ATG4A: variants seen among roughly 807,000 people sequenced by gnomAD.
ATG4A encodes the protein cysteine protease ATG4A.
ATG4A carries 22 observed loss-of-function variants against 38.4 expected under a neutral mutation model. The observed-to-expected ratio is 0.57, with a 90% CI of 0.41 to 0.82. The LOEUF (loss-of-function observed/expected upper bound fraction) is 0.82, where lower values mean the gene tolerates loss of function less well. ATG4A is among the 40% of genes least tolerant of loss of function. ATG4A has a pLI of 0.00. For missense variants in ATG4A, 220 were observed against 290.0 expected (o/e 0.76, Z 1.75); for synonymous variants, 86 against 100.7 (o/e 0.85, Z 0.88).
At chrX:108,129,157 T>C (rs2032881491) in intron 3 of ATG4A, among the ~76,000 whole-genome samples, 1 of 112,744 alleles carries the variant, frequency 8.9e-6, no homozygotes, top group Non-Finnish European at 1.9e-5. Context: ...AATCTTTTAA[T>C]TTGTATAATA....
At chrX:108,140,639 G>A (rs950198493) in intron 9 of ATG4A, among the ~76,000 whole-genome samples, 1 of 97,636 alleles carries the variant, frequency 1.0e-5, no homozygotes, top group Non-Finnish European at 2.0e-5. Context: ...TTACATATAC[G>A]TACATATACA....
intron 1 of ATG4A, among the ~76,000 whole-genome samples, chrX:108,105,290 G>A (rs192952373): frequency 1.2e-4 from 13 of 111,688 alleles, no homozygotes; most frequent in African/African-American, 4.2e-4. Context: ...GGGGGCCTTT[G>A]AAACCTTTTT....
chrX:108,138,109 C>G lies in ATG4A; in HGVS notation c.736-4C>G. On this transcript the variant is annotated splice_region_variant and splice_polypyrimidine_tract_variant and intron_variant, in intron 8 of 12. Transcript: ENST00000372232. ...TGAGAATCTTGCATTGTCTTTCTCT[C>G]CAGGAGTGTTTTAAGATGCCACAGT... 8.3e-7 allele frequency: 1 copy of G among 1,208,938 alleles called. No homozygotes were observed. Among genetic ancestry groups the G allele is most frequent in the Non-Finnish European group, 1.1e-6 (1 of 892,894 alleles).
chrX:108,118,075 T>G (rs1488939541), intron 1 of ATG4A, among the ~76,000 whole-genome samples: 1 of 112,687 alleles, frequency 8.9e-6, no homozygotes, highest in Non-Finnish European at 1.9e-5. Flanking sequence ...TGAATTATAT[T>G]GTTAATATTT....
intron 9 of ATG4A, among the ~76,000 whole-genome samples, chrX:108,138,987 A>G (rs2033172404): frequency 9.0e-6 from 1 of 111,673 alleles, no homozygotes; most frequent in South Asian, 3.8e-4. Flanking sequence ...TTAGAGAGTG[A>G]TGTGGCCAGG....
chrX:108,148,316 A>G (rs1490032610), intron 9 of ATG4A, among the ~76,000 whole-genome samples: 1 of 106,845 alleles, frequency 9.4e-6, no homozygotes, highest in Non-Finnish European at 1.9e-5. Context: ...ACCCAGATTA[A>G]GGACCGGTCT....
intron 11 of ATG4A, among the ~76,000 whole-genome samples, chrX:108,152,302 T>C (rs1569315803): frequency 9.0e-6 from 1 of 111,375 alleles, no homozygotes; most frequent in East Asian, 2.8e-4. Flanking sequence ...TGGCGGGATC[T>C]GGGTGCACTG....
chrX:108,113,288 T>C (rs1163885318), intron 1 of ATG4A, among the ~76,000 whole-genome samples: 1 of 111,797 alleles, frequency 8.9e-6, no homozygotes, highest in Non-Finnish European at 1.9e-5. Context: ...AAAGAATAGT[T>C]GGTGACAGGA....
At chrX:108,113,285 A>G (rs1246018865) in intron 1 of ATG4A, among the ~76,000 whole-genome samples, 1 of 111,767 alleles carries the variant, frequency 8.9e-6, no homozygotes, top group African/African-American at 3.3e-5. Flanking sequence ...TAGAAAGAAT[A>G]GTTGGTGACA....
intron 1 of ATG4A, among the ~76,000 whole-genome samples, chrX:108,101,151 A>G (rs1248181391): frequency 9.0e-6 from 1 of 110,908 alleles, no homozygotes; most frequent in Non-Finnish European, 1.9e-5. Context: ...TTTTCAAGGA[A>G]TTTATCCAGC....
rs779705700 is a variant in ATG4A at position 108,133,167 on chromosome X, G to T, written c.293-890G>T. ...AAGCAAAAGACAACTGAAGAGTCTG[G>T]AGATAATGGCCTTTGGCTTCAAGTG... On this transcript the variant is annotated intron_variant, in intron 4 of 12. Transcript: ENST00000372232. Among the ~76,000 whole-genome samples, 14 of 112,371 alleles carry T rather than the reference G, an allele frequency of 1.2e-4. No individual in the cohort carries two copies. The South Asian group carries it at 5.2e-3, about 42-fold the overall frequency.
intron 1 of ATG4A, among the ~76,000 whole-genome samples, chrX:108,117,701 G>A (rs1175686860): frequency 8.9e-6 from 1 of 111,953 alleles, no homozygotes; most frequent in Non-Finnish European, 1.9e-5. Flanking sequence ...AAGATGTTTA[G>A]CATTTTATTG....
chrX:108,122,296 C>G (rs1384514744), intron 1 of ATG4A, among the ~76,000 whole-genome samples: 1 of 111,752 alleles, frequency 8.9e-6, no homozygotes, highest in African/African-American at 3.3e-5. Context: ...AAGACATTGG[C>G]AAAAATGGCA....
chrX:108,118,281 T>C (rs760380973), intron 1 of ATG4A, among the ~76,000 whole-genome samples: 1 of 112,112 alleles, frequency 8.9e-6, no homozygotes, highest in Non-Finnish European at 1.9e-5. Flanking sequence ...GCCTGGATTG[T>C]TGCAACGACT....
intron 11 of ATG4A, among the ~76,000 whole-genome samples, chrX:108,152,374 C>T (rs753067852): frequency 9.0e-6 from 1 of 110,761 alleles, no homozygotes; most frequent in Non-Finnish European, 1.9e-5. Flanking sequence ...GCTGGGATTA[C>T]AGGCGCCCAC....
At chrX:108,116,545 T>C (rs1184671310) in intron 1 of ATG4A, among the ~76,000 whole-genome samples, 1 of 112,147 alleles carries the variant, frequency 8.9e-6, no homozygotes, top group Non-Finnish European at 1.9e-5. Flanking sequence ...TTTAACAGAA[T>C]TTAATTTGAT....
chrX:108,123,630 G>T (rs1384536666), intron 1 of ATG4A, among the ~76,000 whole-genome samples: 1 of 111,799 alleles, frequency 8.9e-6, no homozygotes, highest in African/African-American at 3.3e-5. Context: ...ACTGCATTCG[G>T]GGTGTCTATC....
intron 1 of ATG4A, among the ~76,000 whole-genome samples, chrX:108,112,810 GA>G (rs1488820484): frequency 9.0e-6 from 1 of 111,397 alleles, no homozygotes; most frequent in Non-Finnish European, 1.9e-5. Flanking sequence ...GAGGCCTATT[GA>G]AATGTTTTTT....
chrX:108,128,314 C>T (rs1463641381), intron 2 of ATG4A, among the ~76,000 whole-genome samples: 2 of 110,874 alleles, frequency 1.8e-5, no homozygotes, highest in African/African-American at 6.6e-5. Flanking sequence ...ATCTCCCTGT[C>T]TCAGCTTCCC....
Sources: gnomAD v4.1 joint callset for allele counts (sites outside exome capture counted in the v4.1 genomes callset) on GRCh38, gnomAD v4.1.1 for gene constraint, MANE v1.5 for transcripts, NCBI Gene and HGNC (gene_info 2026-07-23, HGNC 2026-07-21) for gene names.